The following GRIA1 variants were observed in gnomAD, a reference collection of about 807,000 sequenced individuals.
GRIA1 encodes glutamate receptor 1.
Under a neutral mutation model 99.2 loss-of-function variants are expected in GRIA1, and 31 were observed. The observed-to-expected ratio is 0.31, with a 90% CI of 0.23 to 0.42. The LOEUF is 0.42. Among genes scored for constraint, GRIA1 ranks in the 10% least tolerant of loss-of-function variants. The pLI is 1.00. For missense variants in GRIA1, 782 were observed against 1,157.5 expected (o/e 0.68, Z 4.71); for synonymous variants, 438 against 432.4 (o/e 1.01, Z -0.16).
At chr5:153,522,966 T>C (rs2113381915) in intron 2 of GRIA1, among the ~76,000 whole-genome samples, 1 of 152,238 alleles carries the variant, frequency 6.6e-6, no homozygotes, top group East Asian at 1.9e-4. Context: ...TTGCCTCTTG[T>C]AGCAGCTCTC....
intron 15 of GRIA1, among the ~76,000 whole-genome samples, chr5:153,808,380 C>A (rs190690393): frequency 2.0e-5 from 3 of 150,928 alleles, no homozygotes; most frequent in Admixed American, 6.6e-5. Flanking sequence ...AGTTTAGCCA[C>A]GACGGGGGGC....
intron 2 of GRIA1, among the ~76,000 whole-genome samples, chr5:153,599,693 G>C (rs1384984453): frequency 1.3e-5 from 2 of 152,130 alleles, no homozygotes; most frequent in Non-Finnish European, 2.9e-5. Context: ...ATACAGAGGG[G>C]CAACTGTACT....
chr5:153,651,174 C>A (rs1754546519), intron 4 of GRIA1, among the ~76,000 whole-genome samples: 1 of 152,178 alleles, frequency 6.6e-6, no homozygotes, highest in Admixed American at 6.5e-5. Context: ...GGCCAAATTT[C>A]TGGGTTCGAC....
At chr5:153,625,917 A>C (rs553516049) in intron 2 of GRIA1, among the ~76,000 whole-genome samples, 2 of 152,336 alleles carry the variant, frequency 1.3e-5, no homozygotes, top group South Asian at 4.1e-4. Context: ...GCTTAGGCTC[A>C]TGCCACAAAC....
chr5:153,731,702 C>A (rs1761039514), intron 11 of GRIA1, among the ~76,000 whole-genome samples: 2 of 152,022 alleles, frequency 1.3e-5, no homozygotes, highest in Admixed American at 1.3e-4. Flanking sequence ...CATAATCAAG[C>A]TAATTAACAT....
rs540881707 is a variant in GRIA1, at chr5:153,628,313, C to T, written c.221-18615C>T. Among the ~76,000 whole-genome samples the T allele has an allele frequency of 1.4e-3, 208 of 152,218 alleles. 1 individual carries two copies. The highest frequency in any genetic ancestry group is 4.8e-3 in the African/African-American group (201 of 41,528). On this transcript the variant is annotated intron_variant, in intron 2 of 15. Transcript: ENST00000285900. ...GTCTATTTGCCTGTGCTTGCTTTTC[C>T]GAAGGCAGGACGGCTACAAGCATGG...
chr5:153,702,400 C>T (rs1343216178), intron 10 of GRIA1, among the ~76,000 whole-genome samples: 1 of 152,238 alleles, frequency 6.6e-6, no homozygotes, highest in Non-Finnish European at 1.5e-5. Context: ...TCCGGGGCCA[C>T]CCCTGTGAAA....
intron 11 of GRIA1, among the ~76,000 whole-genome samples, chr5:153,721,587 T>A (rs1220563094): frequency 1.3e-5 from 2 of 152,210 alleles, no homozygotes; most frequent in Non-Finnish European, 2.9e-5. Context: ...TGAATTGAAC[T>A]GTTTTTGAAT....
At position 153,632,262 on chromosome 5, in the gene GRIA1, T is replaced by C. The variant is rs117213737; in HGVS notation, c.221-14666T>C. Among the ~76,000 whole-genome samples the C allele has an allele frequency of 1.5e-4, 23 of 152,306 alleles. No individual in the cohort carries two copies. The East Asian group carries it at 3.3e-3, about 22-fold the overall frequency. On this transcript the variant is annotated intron_variant, in intron 2 of 15. Coordinates refer to ENST00000285900, the MANE Select transcript of GRIA1 (RefSeq NM_000827.4). The stretch of plus-strand genomic sequence containing the variant: ...TGACAGGTGAGCAGTGGCAGAGCCC[T>C]AGGCCAGGGTGAGAATGGAGATGTA...
intron 14 of GRIA1, among the ~76,000 whole-genome samples, chr5:153,799,750 G>A (rs1186947692): frequency 1.3e-5 from 2 of 152,124 alleles, no homozygotes; most frequent in African/African-American, 4.8e-5. Context: ...TGTAAAGGAT[G>A]TATCCCCCCT....
intron 2 of GRIA1, among the ~76,000 whole-genome samples, chr5:153,553,000 A>G (rs1554096638): frequency 6.6e-6 from 1 of 152,192 alleles, no homozygotes; most frequent in Non-Finnish European, 1.5e-5. Flanking sequence ...CTTGGCCTCA[A>G]GCAATACTCC....
chr5:153,706,460 A>G (rs142723797), intron 11 of GRIA1, among the ~76,000 whole-genome samples: 1 of 152,334 alleles, frequency 6.6e-6, no homozygotes, highest in Non-Finnish European at 1.5e-5. Flanking sequence ...ACAGGAACAT[A>G]AGGTGGTACT....
rs79666648 is a variant in GRIA1, at chr5:153,513,498, C to T, written c.220+19433C>T. ...AGGAAAAAGGCTTGATTTTTTGACA[C>T]CCTCTATCTTGGTCTCTTAATTTGT... is the stretch of plus-strand genomic sequence containing the variant. On this transcript the variant is annotated intron_variant, in intron 2 of 15. Coordinates refer to ENST00000285900, the MANE Select transcript of GRIA1 (RefSeq NM_000827.4). Among the ~76,000 whole-genome samples the T allele has an allele frequency of 6.7e-4, 102 of 152,262 alleles. 1 individual carries two copies. In the East Asian group the frequency reaches 0.018, roughly 27 times the overall value.
At chr5:153,694,065 C>G (rs539307058) in intron 8 of GRIA1, among the ~76,000 whole-genome samples, 2 of 152,160 alleles carry the variant, frequency 1.3e-5, no homozygotes, top group African/African-American at 4.8e-5. Context: ...GGTTTGTTTA[C>G]AATTTCTAAC....
intron 15 of GRIA1, among the ~76,000 whole-genome samples, chr5:153,804,560 T>C (rs1051101520): frequency 2.6e-5 from 4 of 152,148 alleles, no homozygotes; most frequent in African/African-American, 7.2e-5. Context: ...GTACAGATTA[T>C]AAGGAGTTCC....
intron 15 of GRIA1, among the ~76,000 whole-genome samples, chr5:153,805,640 G>A (rs1766375094): frequency 6.6e-6 from 1 of 152,200 alleles, no homozygotes; most frequent in Non-Finnish European, 1.5e-5. Context: ...ACCAGTGCCA[G>A]GTGGTGGTGC....
intron 13 of GRIA1, among the ~76,000 whole-genome samples, chr5:153,777,845 T>C (rs993212471): frequency 6.6e-6 from 1 of 152,184 alleles, no homozygotes; most frequent in African/African-American, 2.4e-5. Context: ...CATAGTATAG[T>C]ACTGGTGCAG....
chr5:153,526,373 TTTTAAAG>T (rs1757598674), intron 2 of GRIA1, among the ~76,000 whole-genome samples: 2 of 152,208 alleles, frequency 1.3e-5, no homozygotes, highest in Non-Finnish European at 2.9e-5. Context: ...AAAATGTATA[TTTTAAAG>T]GACTCATATT....
At chr5:153,645,591 G>A (rs76093993) in intron 2 of GRIA1, among the ~76,000 whole-genome samples, 6,103 of 152,254 alleles carry the variant, frequency 0.04, 137 homozygotes, top group Middle Eastern at 0.088. Flanking sequence ...CTCTAAAACA[G>A]GGACAAAGTA....
Sources: gnomAD v4.1 joint callset for allele counts (sites outside exome capture counted in the v4.1 genomes callset) on GRCh38, gnomAD v4.1.1 for gene constraint, MANE v1.5 for transcripts, NCBI Gene and HGNC (gene_info 2026-07-23, HGNC 2026-07-21) for gene names.